FER: variants seen among roughly 807,000 people sequenced by gnomAD.
FER encodes FER tyrosine kinase, also known as tyrosine-protein kinase Fer.
A neutral mutation model predicts 111.0 loss-of-function variants in FER; 63 were observed. The observed-to-expected ratio is 0.57, with a 90% CI of 0.46 to 0.70. The LOEUF (loss-of-function observed/expected upper bound fraction) is 0.70. Among genes scored for constraint, FER ranks in the 30% least tolerant of loss-of-function variants. The pLI is 0.00. For missense variants in FER, 914 were observed against 954.0 expected (o/e 0.96, Z 0.55); for synonymous variants, 327 against 313.9 (o/e 1.04, Z -0.44).
At position 108,856,331 on chromosome 5, in the gene FER, G is replaced by GT. The variant is rs547321779; in HGVS notation, c.482-11428dup. ...AAACCATTAAGTATACAATGAAAAA[G>GT]TTTTTTTTCCCACTCATTATTCATT... On this transcript the variant is annotated intron_variant, in intron 5 of 19. Transcript: ENST00000281092. Among the ~76,000 whole-genome samples the GT allele has an allele frequency of 5.2e-3, 786 of 151,940 alleles. 8 individuals are homozygous for GT. The highest frequency in any genetic ancestry group is 0.017 in the African/African-American group (724 of 41,468).
rs563189111 is a variant in FER at position 108,973,335 on chromosome 5, C to G, written c.1656+13988C>G. Among the ~76,000 whole-genome samples, 61 of 152,170 alleles carry G rather than the reference C, an allele frequency of 4.0e-4. No individual in the cohort carries two copies. The South Asian group carries it at 0.012, about 30-fold the overall frequency. On this transcript the variant is annotated intron_variant, in intron 13 of 19. Transcript: ENST00000281092. ...TGTCCCACATTCTATTTTATGTAGA[C>G]TAAGTTTGCATGCTAAGAATTTTAA...
intron 5 of FER, among the ~76,000 whole-genome samples, chr5:108,839,639 G>A (rs1301008863): frequency 1.4e-5 from 2 of 143,028 alleles, no homozygotes; most frequent in African/African-American, 2.7e-5. Context: ...GTGCAGTGGC[G>A]CTGTCTCGGC....
chr5:109,126,079 C>T (rs977189743), intron 17 of FER, among the ~76,000 whole-genome samples: 3 of 152,138 alleles, frequency 2.0e-5, no homozygotes, highest in African/African-American at 7.2e-5. Flanking sequence ...GTCAGACTCC[C>T]TGATCTTTTT....
Position 108,831,970 on chromosome 5 carries a change from C to G in FER, c.208-800C>G, listed in dbSNP as rs553790695. Among the ~76,000 whole-genome samples, 404 of 149,856 alleles carry G rather than the reference C, an allele frequency of 2.7e-3. 1 individual carries two copies. Among genetic ancestry groups the G allele is most frequent in the African/African-American group, 9.4e-3 (387 of 40,976 alleles). On this transcript the variant is annotated intron_variant, in intron 3 of 19. Transcript: ENST00000281092. Reference sequence around the variant, plus strand: ...TATAGCGAAGAGGATTCCTCTGTTCCTTTTTTTTTTAAAAGTATGTGTATG... The same window carrying G: ...TATAGCGAAGAGGATTCCTCTGTTCGTTTTTTTTTTAAAAGTATGTGTATG...
chr5:108,974,025 G>C (rs1043413334), intron 13 of FER, among the ~76,000 whole-genome samples: 1 of 152,112 alleles, frequency 6.6e-6, no homozygotes, highest in African/African-American at 2.4e-5. Flanking sequence ...ATGTTCATCT[G>C]AAATAAATAG....
chr5:109,004,767 T>G (rs567118065), intron 13 of FER, among the ~76,000 whole-genome samples: 26 of 152,306 alleles, frequency 1.7e-4, no homozygotes, highest in African/African-American at 6.0e-4. Flanking sequence ...GTATGTTGGT[T>G]TGGAACCTGG....
intron 16 of FER, among the ~76,000 whole-genome samples, chr5:109,092,427 A>T (rs1010655164): frequency 5.9e-5 from 9 of 152,050 alleles, no homozygotes; most frequent in Admixed American, 5.9e-4. Context: ...AACAAAAAGT[A>T]AAAAACCCAA....
intron 13 of FER, among the ~76,000 whole-genome samples, chr5:108,982,724 T>G (rs991768034): frequency 2.0e-5 from 3 of 152,050 alleles, no homozygotes; most frequent in African/African-American, 7.2e-5. Context: ...ATATTTTAGG[T>G]TGAGTCAAGA....
intron 13 of FER, among the ~76,000 whole-genome samples, chr5:109,000,192 GAC>G (rs1764547165): frequency 6.6e-6 from 1 of 151,592 alleles, no homozygotes; most frequent in Non-Finnish European, 1.5e-5. Flanking sequence ...TTAGGAAAAA[GAC>G]ACAAATGGAA....
chr5:108,843,762 C>T (rs181828328), intron 5 of FER, among the ~76,000 whole-genome samples: 215 of 151,928 alleles, frequency 1.4e-3, no homozygotes, highest in African/African-American at 3.9e-3. Context: ...CTCTTGACCT[C>T]GTAATCCACC....
intron 3 of FER, chr5:108,818,227 A>T (rs926882261): frequency 1.3e-5 from 2 of 152,194 alleles, no homozygotes; most frequent in Non-Finnish European, 1.5e-5. Flanking sequence ...CAGGAGTTCT[A>T]GACCAGCCTG....
rs148751314 is a variant in FER, at chr5:108,791,246, C to T, written c.-59-6878C>T. Reference sequence around the variant, plus strand: ...AAACTCTTTTCCGCAGTGGTTGCACCATTTAATGTTTCAGCTAGCAAGGGA... The same window carrying T: ...AAACTCTTTTCCGCAGTGGTTGCACTATTTAATGTTTCAGCTAGCAAGGGA... On this transcript the variant is annotated intron_variant, in intron 2 of 19. Coordinates refer to ENST00000281092, the MANE Select transcript of FER (RefSeq NM_005246.4). 5.9e-5 allele frequency among the ~76,000 whole-genome samples: 9 copies of T among 152,236 alleles called. No homozygotes were observed. In the East Asian group the frequency reaches 1.7e-3, roughly 29 times the overall value.
chr5:109,004,103 G>C (rs766419592), intron 13 of FER, among the ~76,000 whole-genome samples: 1 of 152,120 alleles, frequency 6.6e-6, no homozygotes, highest in Non-Finnish European at 1.5e-5. Context: ...CTCATACTCT[G>C]CTGATGCAAA....
At chr5:108,868,523 G>GA (rs1764299210) in intron 6 of FER, among the ~76,000 whole-genome samples, 1 of 152,046 alleles carries the variant, frequency 6.6e-6, no homozygotes, top group Non-Finnish European at 1.5e-5. Context: ...CAAAATGACA[G>GA]AAAAAATAAG....
intron 17 of FER, among the ~76,000 whole-genome samples, chr5:109,136,733 C>CTT (rs34158572): frequency 5.3e-5 from 8 of 150,318 alleles, no homozygotes; most frequent in African/African-American, 2.0e-4. Flanking sequence ...CAGATCTAGG[C>CTT]TTTTTTTTTC....
intron 17 of FER, among the ~76,000 whole-genome samples, chr5:109,135,165 G>T (rs1281699317): frequency 6.6e-6 from 1 of 152,202 alleles, no homozygotes; most frequent in Non-Finnish European, 1.5e-5. Context: ...TGGGGAAATG[G>T]TTGGAGATAA....
intron 17 of FER, among the ~76,000 whole-genome samples, chr5:109,118,917 C>T (rs1355400156): frequency 6.6e-5 from 10 of 150,590 alleles, no homozygotes; most frequent in South Asian, 2.1e-4. Flanking sequence ...GTCTTGCTAG[C>T]GGTCTATCAA....
chr5:108,958,531 G>A (rs987463583), intron 12 of FER, among the ~76,000 whole-genome samples: 32 of 151,792 alleles, frequency 2.1e-4, no homozygotes, highest in African/African-American at 6.3e-4. Context: ...AGAGAAAAGC[G>A]GTCTTGGAGG....
In FER at chr5:108,872,123, G is replaced by A. The variant is rs371373758; in HGVS notation, c.834G>A (p.Glu278=). Residue 278 remains glutamate (E), a synonymous_variant, in exon 8 of 20, where the codon GAG becomes GAA. Coordinates refer to ENST00000281092, the MANE Select transcript of FER (RefSeq NM_005246.4). ...CGGCTGCTAAAGAACAAGAAATAGA[G>A]TTTGATACTTCCTTACTGGAAGAAA... ...RTTAAKEQEI[E]FDTSLLEENE... 13 of 1,611,150 alleles carry A rather than the reference G, an allele frequency of 8.1e-6. No individual in the cohort carries two copies. The highest frequency in any genetic ancestry group is 1.0e-5 in the Non-Finnish European group (12 of 1,178,676).
Sources: gnomAD v4.1 joint callset for allele counts (sites outside exome capture counted in the v4.1 genomes callset) on GRCh38, gnomAD v4.1.1 for gene constraint, MANE v1.5 for transcripts, NCBI Gene and HGNC (gene_info 2026-07-23, HGNC 2026-07-21) for gene names.